Variants in DIPK1A observed in about 807,000 individuals in gnomAD.
The protein encoded by DIPK1A is family with sequence similarity 69 member A.
Under a neutral mutation model 40.8 loss-of-function variants are expected in DIPK1A, and 27 were observed. The observed-to-expected ratio is 0.66, with a 90% CI of 0.49 to 0.91. The LOEUF (loss-of-function observed/expected upper bound fraction) is 0.91. DIPK1A is among the 40% of genes least tolerant of loss of function. The pLI is 0.00. For missense variants in DIPK1A, 412 were observed against 505.7 expected (o/e 0.81, Z 1.78); for synonymous variants, 166 against 171.3 (o/e 0.97, Z 0.24).
intron 1 of DIPK1A, among the ~76,000 whole-genome samples, chr1:92,898,712 G>A (rs1375742298): frequency 6.6e-6 from 1 of 151,980 alleles, no homozygotes; most frequent in African/African-American, 2.4e-5. Context: ...CAAACTCTTG[G>A]CTTCAAGTGA....
intron 2 of DIPK1A, among the ~76,000 whole-genome samples, chr1:92,867,588 C>T (rs542688485): frequency 1.3e-5 from 2 of 152,310 alleles, no homozygotes; most frequent in South Asian, 4.1e-4. Context: ...TCACTGCAAC[C>T]TCTGCCTCCC....
chr1:92,943,464 G>A (rs1294902787), intron 1 of DIPK1A, among the ~76,000 whole-genome samples: 4 of 152,106 alleles, frequency 2.6e-5, no homozygotes, highest in South Asian at 2.1e-4. Flanking sequence ...GGTTGAAGAC[G>A]GTGGGAATAA....
At position 92,946,520 on chromosome 1, in the gene DIPK1A, G is replaced by C. The variant is rs1191327586; in HGVS notation, c.54+14856C>G. On this transcript the variant is annotated intron_variant, in intron 1 of 4. Transcript: ENST00000370310. Reference sequence around the variant, plus strand: ...CAGTTGTTATTTCTGAGGTTACCAAGTTAAGCAACAGAATAAGTTAAATTA... The same window carrying C: ...CAGTTGTTATTTCTGAGGTTACCAACTTAAGCAACAGAATAAGTTAAATTA... 3.3e-4 allele frequency among the ~76,000 whole-genome samples: 50 copies of C among 152,300 alleles called. 1 individual carries two copies. Among genetic ancestry groups the C allele is most frequent in the Non-Finnish European group, 1.5e-5 (1 of 68,018 alleles).
intron 2 of DIPK1A, among the ~76,000 whole-genome samples, chr1:92,854,708 T>C (rs1004722727): frequency 6.6e-6 from 1 of 152,236 alleles, no homozygotes; most frequent in African/African-American, 2.4e-5. Context: ...CAAAGCAATC[T>C]AGTTCTTAAA....
chr1:92,845,846 A>C (rs1228142731), intron 4 of DIPK1A, among the ~76,000 whole-genome samples: 4 of 151,142 alleles, frequency 2.6e-5, no homozygotes, highest in African/African-American at 9.7e-5. Flanking sequence ...AAAAAAAAAA[A>C]ATTAGCCAGG....
intron 1 of DIPK1A, among the ~76,000 whole-genome samples, chr1:92,922,783 C>T (rs573469911): frequency 2.0e-5 from 3 of 152,288 alleles, no homozygotes; most frequent in East Asian, 1.9e-4. Context: ...CTGTAACCTT[C>T]GAGAATGAAA....
Position 92,944,733 on chromosome 1 carries a change from C to T in DIPK1A, c.54+16643G>A, listed in dbSNP as rs949860574. Reference sequence around the variant, plus strand: ...CTGCAGCTTCCACCTCCTGGGTTCACGGGATTCTTCCACCTTAGCCTCCCA... The same window carrying T: ...CTGCAGCTTCCACCTCCTGGGTTCATGGGATTCTTCCACCTTAGCCTCCCA... On this transcript the variant is annotated intron_variant, in intron 1 of 4. Coordinates refer to ENST00000370310, the MANE Select transcript of DIPK1A (RefSeq NM_001006605.5). 3.9e-5 allele frequency among the ~76,000 whole-genome samples: 6 copies of T among 152,080 alleles called. No individual in the cohort carries two copies. In the East Asian group the frequency reaches 7.7e-4, roughly 20 times the overall value.
Position 92,843,210 on chromosome 1 carries a change from C to A in DIPK1A, c.*173G>T. 2 of 1,383,858 alleles carry A rather than the reference C, an allele frequency of 1.4e-6. No homozygotes were observed. The highest frequency in any genetic ancestry group is 1.9e-6 in the Non-Finnish European group (2 of 1,066,726). 85.7% of individuals were successfully genotyped at this position (1,383,858 alleles called of 1,614,324 possible). A position where few individuals can be genotyped will look rare whatever the true frequency, so the allele number is the denominator to read the frequency against. On this transcript the variant is annotated 3_prime_UTR_variant, in exon 5 of 5. Coordinates refer to ENST00000370310, the MANE Select transcript of DIPK1A (RefSeq NM_001006605.5). ...AGGGCAGGAATGACATCTTGGGGAC[C>A]TGTTGATCCTACACCTGCCATTACT...
At chr1:92,957,703 G>A (rs764270341) in intron 1 of DIPK1A, among the ~76,000 whole-genome samples, 2 of 152,170 alleles carry the variant, frequency 1.3e-5, no homozygotes, top group Non-Finnish European at 2.9e-5. Flanking sequence ...GATAAACTCG[G>A]TTCATTTATT....
At chr1:92,930,644 C>A (rs1650707661) in intron 1 of DIPK1A, 3 of 152,330 alleles carry the variant, frequency 2.0e-5, no homozygotes, top group South Asian at 2.1e-4. Flanking sequence ...CAAACGCAAT[C>A]TTTTCTTTTG....
chr1:92,846,563 T>C (rs1687607984), intron 4 of DIPK1A: 3 of 435,628 alleles, frequency 6.9e-6, no homozygotes, highest in South Asian at 4.8e-5. Flanking sequence ...TCCCTCCTCA[T>C]ATCTGGACAT....
At chr1:92,960,725 A>T (rs1652039222) in intron 1 of DIPK1A, among the ~76,000 whole-genome samples, 1 of 152,168 alleles carries the variant, frequency 6.6e-6, no homozygotes, top group South Asian at 2.1e-4. Flanking sequence ...TTCCTTTAAA[A>T]AGCAAACACC....
intron 2 of DIPK1A, among the ~76,000 whole-genome samples, chr1:92,873,554 G>T (rs888709009): frequency 1.2e-4 from 18 of 150,954 alleles, no homozygotes; most frequent in African/African-American, 4.4e-4. Context: ...GGCAGAGGTT[G>T]CAGTGAGCCG....
rs528597189 is a variant in DIPK1A, at chr1:92,940,471, C to G, written c.54+20905G>C. Reference sequence around the variant, plus strand: ...TCATTTAATTAAGGGACTTTTGGTACTACAATTCTACCCCTTAACAGACAA... The same window carrying G: ...TCATTTAATTAAGGGACTTTTGGTAGTACAATTCTACCCCTTAACAGACAA... On this transcript the variant is annotated intron_variant, in intron 1 of 4. Transcript: ENST00000370310. 1.1e-3 allele frequency among the ~76,000 whole-genome samples: 168 copies of G among 152,274 alleles called. 1 individual carries two copies. Among genetic ancestry groups the G allele is most frequent in the Non-Finnish European group, 2.1e-3 (144 of 68,026 alleles).
Position 92,872,735 on chromosome 1 carries a change from C to G in DIPK1A, c.189+3561G>C, listed in dbSNP as rs547127949. ...GTTGTAGCTCTGGGTAAAGCTCTAG[C>G]TACTTATGTCCAAGGGTATATAGCC... On this transcript the variant is annotated intron_variant, in intron 2 of 4. Transcript: ENST00000370310. Among the ~76,000 whole-genome samples, 3 of 152,304 alleles carry G rather than the reference C, an allele frequency of 2.0e-5. No homozygotes were observed. In the East Asian group the frequency reaches 5.8e-4, roughly 29 times the overall value.
At chr1:92,906,062 C>T (rs963404480) in intron 1 of DIPK1A, among the ~76,000 whole-genome samples, 1 of 152,028 alleles carries the variant, frequency 6.6e-6, no homozygotes, top group Non-Finnish European at 1.5e-5. Context: ...AATGTCATTC[C>T]TTTAGTTTTG....
At chr1:92,904,323 C>T (rs902021177) in intron 1 of DIPK1A, among the ~76,000 whole-genome samples, 1 of 152,130 alleles carries the variant, frequency 6.6e-6, no homozygotes, top group Non-Finnish European at 1.5e-5. Context: ...AAATAATAGG[C>T]TTCACCTTGC....
At chr1:92,836,122 A>AT in intron 4 of DIPK1A, 2 of 1,433,436 alleles carry the variant, frequency 1.4e-6, no homozygotes, top group Non-Finnish European at 2.0e-6. Flanking sequence ...CGGTTATGAC[A>AT]TAAGCTATTT....
intron 1 of DIPK1A, among the ~76,000 whole-genome samples, chr1:92,894,318 GC>G (rs1247983475): frequency 2.0e-5 from 3 of 152,072 alleles, no homozygotes; most frequent in Non-Finnish European, 4.4e-5. Context: ...AGACCACAGT[GC>G]AATCAAACTA....
Sources: allele counts gnomAD v4.1 joint callset (sites outside exome capture counted in the v4.1 genomes callset), GRCh38; gene constraint gnomAD v4.1.1; transcripts MANE v1.5; gene names NCBI Gene and HGNC (gene_info 2026-07-23, HGNC 2026-07-21).